COL14A1: variants seen among roughly 807,000 people sequenced by gnomAD.
The protein encoded by COL14A1 is collagen alpha-1(XIV) chain.
COL14A1 carries 136 observed loss-of-function variants against 230.3 expected under a neutral mutation model. That is an observed-to-expected ratio of 0.59 (90% CI 0.51 to 0.68). The LOEUF (loss-of-function observed/expected upper bound fraction) is 0.68, where lower values mean the gene tolerates loss of function less well. Ranked by LOEUF, COL14A1 falls within the 30% of genes least tolerant of loss-of-function variation. The pLI is 0.00. For synonymous variants in COL14A1, 792 were observed against 784.1 expected, an observed-to-expected ratio of 1.01 and a Z score of -0.17; for missense variants, 1,976 against 2,215.8, an observed-to-expected ratio of 0.89 and a Z score of 2.17.
intron 36 of COL14A1, among the ~76,000 whole-genome samples, chr8:120,306,295 A>G (rs923144541): frequency 2.0e-4 from 30 of 152,194 alleles, no homozygotes; most frequent in Non-Finnish European, 2.9e-5. Context: ...TGACCTAAAC[A>G]GCAAACTTTC....
chr8:120,231,570 G>A lies in COL14A1; in HGVS notation c.2301G>A (p.Val767=), dbSNP rs754905144. The change falls in exon 19 of 48, where the codon GTG becomes GTA. Residue 767 remains valine, a synonymous_variant. Coordinates refer to ENST00000297848, the MANE Select transcript of COL14A1 (RefSeq NM_021110.4). ...ISDSDVQQFR[V]TYMTAQGDPE... Reference sequence around the variant, plus strand: ...ACAGCGATGTGCAGCAGTTTAGGGTGACCTACATGACAGCTCAAGGGGACC... The same window carrying A: ...ACAGCGATGTGCAGCAGTTTAGGGTAACCTACATGACAGCTCAAGGGGACC... The A allele has an allele frequency of 2.5e-6, 4 of 1,614,004 alleles. No individual in the cohort carries two copies. Among genetic ancestry groups the A allele is most frequent in the African/African-American group, 2.7e-5 (2 of 75,028 alleles).
At chr8:120,322,388 TA>T (rs1261611030) in intron 40 of COL14A1, among the ~76,000 whole-genome samples, 1 of 152,126 alleles carries the variant, frequency 6.6e-6, no homozygotes, top group Non-Finnish European at 1.5e-5. Flanking sequence ...AAAATAAAAA[TA>T]AAATAGTATA....
chr8:120,300,768 T>G lies in COL14A1; in HGVS notation c.4351T>G (p.Cys1451Gly). The G allele has an allele frequency of 6.2e-7, 1 of 1,613,706 alleles. No individual in the cohort carries two copies. Residue 1451 changes from cysteine (C) to glycine (G), a missense_variant, in exon 36 of 48, where the codon TGC becomes GGC. Physicochemically the swap from Cys to Gly is radical, Grantham distance 159. Transcript: ENST00000297848. ...DESCPDLPHSCSCSETNEVAL... is the reference protein window; with the variant it reads ...DESCPDLPHSGSCSETNEVAL... Reference sequence around the variant, plus strand: ...GTCTTGCCCAGACCTTCCCCATTCCTGCTCCTGTTCTGAAACCAATGAAGT... The same window carrying G: ...GTCTTGCCCAGACCTTCCCCATTCCGGCTCCTGTTCTGAAACCAATGAAGT...
chr8:120,332,598 A>G, intron 41 of COL14A1, 66 bp from the exon 42 acceptor site: 2 of 1,350,574 alleles, frequency 1.5e-6, no homozygotes, highest in Non-Finnish European at 2.1e-6. Flanking sequence ...CTTGCTTAAA[A>G]GTTGGCTGTC....
At chr8:120,184,883 C>A (rs1563657633) in intron 5 of COL14A1, among the ~76,000 whole-genome samples, 1 of 152,184 alleles carries the variant, frequency 6.6e-6, no homozygotes, top group Non-Finnish European at 1.5e-5. Context: ...GGAGAAGAAT[C>A]TGCTTTATTC....
intron 45 of COL14A1, among the ~76,000 whole-genome samples, chr8:120,360,155 T>A (rs1455898291): frequency 2.0e-5 from 3 of 152,186 alleles, no homozygotes; most frequent in Non-Finnish European, 2.9e-5. Flanking sequence ...TCTGTGGAAA[T>A]AGCACAGGGT....
chr8:120,337,462 G>A (rs1424858901), intron 42 of COL14A1, among the ~76,000 whole-genome samples: 1 of 151,322 alleles, frequency 6.6e-6, no homozygotes, highest in African/African-American at 2.4e-5. Flanking sequence ...TTATATTCTA[G>A]TTAGGCTGAT....
intron 28 of COL14A1, among the ~76,000 whole-genome samples, chr8:120,279,485 T>C (rs1348225586): frequency 6.6e-6 from 1 of 151,832 alleles, no homozygotes; most frequent in East Asian, 1.9e-4. Context: ...TTCTATTTAC[T>C]TGCCAAGCAT....
intron 2 of COL14A1, among the ~76,000 whole-genome samples, chr8:120,153,538 T>C (rs1415929481): frequency 6.6e-6 from 1 of 152,204 alleles, no homozygotes; most frequent in African/African-American, 2.4e-5. Flanking sequence ...AATAGCCAAA[T>C]ACTTTTCTGC....
At position 120,199,538 on chromosome 8, in the gene COL14A1, T is replaced by C. The variant is rs1817158313; in HGVS notation, c.849T>C (p.Arg283=). 2 of 1,612,526 alleles carry C rather than the reference T, an allele frequency of 1.2e-6. No individual in the cohort carries two copies. Among genetic ancestry groups the C allele is most frequent in the African/African-American group, 2.7e-5 (2 of 74,822 alleles). The change falls in exon 8 of 48, where the codon CGT becomes CGC. Residue 283 remains arginine (R), a synonymous_variant. Coordinates refer to ENST00000297848, the MANE Select transcript of COL14A1 (RefSeq NM_021110.4). The part of the protein sequence containing the change: ...DDIIPPSRNL[R]ESGVELFAIG... ...TTATTCCACCATCTAGAAATCTTCG[T>C]GAGTCTGGTGTAGAACTGTTTGCCA... is the stretch of plus-strand genomic sequence containing the variant.
At chr8:120,233,356 G>A (rs7813202) in intron 19 of COL14A1, among the ~76,000 whole-genome samples, 1 of 152,260 alleles carries the variant, frequency 6.6e-6, no homozygotes, top group Admixed American at 6.5e-5. Flanking sequence ...CCTGTGTCCT[G>A]AATGGTATTG....
intron 5 of COL14A1, among the ~76,000 whole-genome samples, chr8:120,175,311 T>C (rs1392612105): frequency 6.6e-6 from 1 of 152,214 alleles, no homozygotes; most frequent in African/African-American, 2.4e-5. Context: ...TAATCATTTT[T>C]GGAGTTTTGC....
chr8:120,288,081 G>C (rs1333165798), intron 33 of COL14A1, among the ~76,000 whole-genome samples: 1 of 151,624 alleles, frequency 6.6e-6, no homozygotes, highest in African/African-American at 2.4e-5. Flanking sequence ...AATTCTTAAG[G>C]CAGGGGTACT....
intron 2 of COL14A1, among the ~76,000 whole-genome samples, chr8:120,156,064 T>C (rs1175208898): frequency 1.3e-5 from 2 of 152,190 alleles, no homozygotes; most frequent in East Asian, 3.9e-4. Flanking sequence ...ATTCTTAAGA[T>C]TGTGTCTTTC....
chr8:120,291,019 CTTG>C (rs1049746746), intron 34 of COL14A1, among the ~76,000 whole-genome samples: 15 of 152,288 alleles, frequency 9.8e-5, no homozygotes, highest in African/African-American at 3.6e-4. Context: ...GGAAGGCTCT[CTTG>C]TTCTCAGTTA....
At chr8:120,212,309 G>C in intron 12 of COL14A1, 139 bp from the exon 13 acceptor site, 2 of 714,282 alleles carry the variant, frequency 2.8e-6, no homozygotes, top group Non-Finnish European at 4.5e-6. Flanking sequence ...TAAAAATTAT[G>C]ACTGAAGCCT....
chr8:120,251,426 G>A (rs1186443598), intron 22 of COL14A1, among the ~76,000 whole-genome samples: 1 of 152,120 alleles, frequency 6.6e-6, no homozygotes, highest in Non-Finnish European at 1.5e-5. Flanking sequence ...CCCCTTGCAC[G>A]TGCACATATG....
intron 1 of COL14A1, among the ~76,000 whole-genome samples, chr8:120,126,742 G>C (rs1481234481): frequency 1.3e-5 from 2 of 152,172 alleles, no homozygotes; most frequent in Non-Finnish European, 2.9e-5. Flanking sequence ...TTCTGTTTCT[G>C]ACAGCATGGT....
chr8:120,163,426 C>T (rs1815758736), intron 4 of COL14A1, among the ~76,000 whole-genome samples: 1 of 152,148 alleles, frequency 6.6e-6, no homozygotes, highest in Non-Finnish European at 1.5e-5. Context: ...CAATCAATGT[C>T]CACACAGTTC....
Sources: allele counts gnomAD v4.1 joint callset (sites outside exome capture counted in the v4.1 genomes callset), GRCh38; gene constraint gnomAD v4.1.1; transcripts MANE v1.5; gene names NCBI Gene and HGNC (gene_info 2026-07-23, HGNC 2026-07-21).